The following RASSF8 variants were observed in gnomAD, a reference collection of about 807,000 sequenced individuals.
RASSF8 encodes Ras association domain family member 8.
RASSF8 carries 22 observed loss-of-function variants against 48.5 expected under a neutral mutation model. That is an observed-to-expected ratio of 0.45 (90% CI 0.32 to 0.65). The LOEUF (loss-of-function observed/expected upper bound fraction) is 0.65, where lower values mean the gene tolerates loss of function less well. Ranked by LOEUF, RASSF8 falls within the 30% of genes least tolerant of loss-of-function variation. RASSF8 has a pLI of 0.03. For missense variants in RASSF8, 418 were observed against 489.2 expected, an observed-to-expected ratio of 0.85 and a Z score of 1.37; for synonymous variants, 127 against 171.5, an observed-to-expected ratio of 0.74 and a Z score of 2.03.
intron 1 of RASSF8, among the ~76,000 whole-genome samples, chr12:25,977,753 C>T (rs1266453732): frequency 1.3e-5 from 2 of 151,804 alleles, no homozygotes; most frequent in Non-Finnish European, 2.9e-5. Context: ...TAAAAATTAC[C>T]ATTGAGAACA....
intron 2 of RASSF8, among the ~76,000 whole-genome samples, chr12:26,034,864 C>A (rs1592290596): frequency 6.6e-6 from 1 of 152,134 alleles, no homozygotes; most frequent in East Asian, 1.9e-4. Flanking sequence ...CTAAAAAACA[C>A]CATACAGCAG....
At chr12:26,008,999 A>G (rs528498872) in intron 2 of RASSF8, among the ~76,000 whole-genome samples, 2 of 152,246 alleles carry the variant, frequency 1.3e-5, no homozygotes, top group Admixed American at 1.3e-4. Context: ...TGACTTCCAG[A>G]TCAGTCCAGT....
chr12:26,067,039 G>A (rs1943890660), intron 4 of RASSF8, among the ~76,000 whole-genome samples: 1 of 152,162 alleles, frequency 6.6e-6, no homozygotes, highest in African/African-American at 2.4e-5. Context: ...TGTATCCCAT[G>A]AAAATTGAAA....
At chr12:26,004,842 T>G (rs756521708) in intron 2 of RASSF8, among the ~76,000 whole-genome samples, 2 of 152,096 alleles carry the variant, frequency 1.3e-5, no homozygotes, top group Non-Finnish European at 2.9e-5. Flanking sequence ...AAATTGTTCA[T>G]TGAAAAAAAG....
intron 1 of RASSF8, among the ~76,000 whole-genome samples, chr12:25,988,174 T>C (rs897390192): frequency 1.4e-4 from 22 of 152,228 alleles, no homozygotes; most frequent in Admixed American, 3.3e-4. Context: ...ATTAATGTTA[T>C]TTTTTAAAAA....
At chr12:25,990,080 T>C (rs1325823466) in intron 1 of RASSF8, among the ~76,000 whole-genome samples, 1 of 152,212 alleles carries the variant, frequency 6.6e-6, no homozygotes. Context: ...GAGTGCCTAT[T>C]ATTACTTTTT....
chr12:26,013,815 T>C (rs1012569749), intron 2 of RASSF8, among the ~76,000 whole-genome samples: 1 of 152,232 alleles, frequency 6.6e-6, no homozygotes, highest in African/African-American at 2.4e-5. Flanking sequence ...AATGTGGCTA[T>C]TGTTGAATAG....
At chr12:26,040,120 A>C (rs1282511439) in intron 2 of RASSF8, among the ~76,000 whole-genome samples, 2 of 152,160 alleles carry the variant, frequency 1.3e-5, no homozygotes, top group Non-Finnish European at 2.9e-5. Context: ...TTTATTTTTA[A>C]TAATCTTTTT....
intron 3 of RASSF8, among the ~76,000 whole-genome samples, chr12:26,059,682 T>C (rs1409199859): frequency 6.6e-6 from 1 of 152,214 alleles, no homozygotes; most frequent in Non-Finnish European, 1.5e-5. Context: ...AGTCTAATTT[T>C]TTATTTTAAT....
At chr12:25,985,469 A>G (rs900576333) in intron 1 of RASSF8, among the ~76,000 whole-genome samples, 22 of 152,206 alleles carry the variant, frequency 1.4e-4, no homozygotes, top group Admixed American at 8.5e-4. Context: ...TTTTCTGTCT[A>G]TGGCAGTGCA....
chr12:25,984,608 T>C (rs1444190378), intron 1 of RASSF8, among the ~76,000 whole-genome samples: 1 of 152,206 alleles, frequency 6.6e-6, no homozygotes, highest in Admixed American at 6.5e-5. Flanking sequence ...CCCAAAGTGT[T>C]GGGACTACAG....
At chr12:25,979,044 G>C (rs1253545805) in intron 1 of RASSF8, among the ~76,000 whole-genome samples, 1 of 152,158 alleles carries the variant, frequency 6.6e-6, no homozygotes. Context: ...CTTCTAGATG[G>C]ATATTACCTA....
chr12:26,070,056 T>C lies in RASSF8; in HGVS notation c.*1238T>C, dbSNP rs1366322764. Reference sequence around the variant, plus strand: ...ACTTAACTAAGATTTACAAGTAATATTTAGACAGATTCAGTCAGACACCAC... The same window carrying C: ...ACTTAACTAAGATTTACAAGTAATACTTAGACAGATTCAGTCAGACACCAC... On this transcript the variant is annotated 3_prime_UTR_variant, in exon 6 of 6. Transcript: ENST00000689635. 3.1e-6 allele frequency: 3 copies of C among 983,374 alleles called. No homozygotes were observed. Among genetic ancestry groups the C allele is most frequent in the Non-Finnish European group, 2.4e-6 (2 of 828,152 alleles). 60.9% of individuals were successfully genotyped at this position (983,374 alleles called of 1,614,324 possible). A position where few individuals can be genotyped will look rare whatever the true frequency, so the allele number is the denominator to read the frequency against.
intron 5 of RASSF8, among the ~76,000 whole-genome samples, chr12:26,078,845 A>G (rs1317267846): frequency 6.6e-6 from 1 of 152,202 alleles, no homozygotes; most frequent in Non-Finnish European, 1.5e-5. Flanking sequence ...AACAAAAATA[A>G]TTCATTGTCA....
chr12:26,043,228 G>A (rs1412636276), intron 2 of RASSF8, among the ~76,000 whole-genome samples: 1 of 152,192 alleles, frequency 6.6e-6, no homozygotes, highest in African/African-American at 2.4e-5. Flanking sequence ...ACTGGGGAAA[G>A]CTGCCTGTTG....
intron 1 of RASSF8, among the ~76,000 whole-genome samples, chr12:25,967,449 A>G (rs1941385924): frequency 1.3e-5 from 2 of 152,110 alleles, no homozygotes; most frequent in African/African-American, 4.8e-5. Context: ...TAGATCATTC[A>G]CTTAATTTTA....
At chr12:26,079,196 A>G in exon 6 of RASSF8, 2 of 630,426 alleles carry the variant, frequency 3.2e-6, no homozygotes, top group Non-Finnish European at 5.2e-6. Context: ...GTAGATTGGG[A>G]GAAAATATTT....
intron 1 of RASSF8, among the ~76,000 whole-genome samples, chr12:25,960,999 T>C (rs943897080): frequency 1.3e-5 from 2 of 152,240 alleles, no homozygotes. Flanking sequence ...CATGGTTGTA[T>C]AATTTGTTTT....
At chr12:25,976,795 A>G (rs1941616954) in intron 1 of RASSF8, among the ~76,000 whole-genome samples, 1 of 152,124 alleles carries the variant, frequency 6.6e-6, no homozygotes, top group African/African-American at 2.4e-5. Context: ...ACGACCCTCT[A>G]CCGGTGACAT....
Sources: gnomAD v4.1 joint callset for allele counts (sites outside exome capture counted in the v4.1 genomes callset) on GRCh38, gnomAD v4.1.1 for gene constraint, MANE v1.5 for transcripts, NCBI Gene and HGNC (gene_info 2026-07-23, HGNC 2026-07-21) for gene names.